The following ADIPOR2 variants were observed in gnomAD, a reference collection of about 807,000 sequenced individuals.
ADIPOR2 encodes the protein adiponectin receptor 2.
A neutral mutation model predicts 40.9 loss-of-function variants in ADIPOR2; 18 were observed. The observed-to-expected ratio is 0.44, with a 90% CI of 0.30 to 0.65. ADIPOR2 has a LOEUF of 0.65. Among genes scored for constraint, ADIPOR2 ranks in the 30% least tolerant of loss-of-function variants. The pLI is 0.09. For missense variants in ADIPOR2, 283 were observed against 479.2 expected (o/e 0.59, Z 3.82); for synonymous variants, 165 against 166.4 (o/e 0.99, Z 0.06).
intron 7 of ADIPOR2, among the ~76,000 whole-genome samples, chr12:1,785,091 T>G (rs1862799611): frequency 6.6e-6 from 1 of 152,228 alleles, no homozygotes; most frequent in African/African-American, 2.4e-5. Flanking sequence ...AGGAAACATC[T>G]CTTGGGATGT....
At chr12:1,695,926 G>C (rs1473037582) in intron 1 of ADIPOR2, 1 of 151,536 alleles carries the variant, frequency 6.6e-6, no homozygotes, top group Non-Finnish European at 1.5e-5. Context: ...TTTTTTTGAC[G>C]GGACATTCTG....
intron 1 of ADIPOR2, among the ~76,000 whole-genome samples, chr12:1,691,938 T>C (rs1474130408): frequency 6.6e-6 from 1 of 152,180 alleles, no homozygotes; most frequent in Non-Finnish European, 1.5e-5. Context: ...GGTAGAAAGA[T>C]TTAAATGCAC....
At chr12:1,741,295 G>T (rs138711950) in intron 1 of ADIPOR2, among the ~76,000 whole-genome samples, 16 of 152,178 alleles carry the variant, frequency 1.1e-4, no homozygotes, top group Non-Finnish European at 1.9e-4. Flanking sequence ...CCTGTTAGGG[G>T]ATTATCAAAG....
intron 1 of ADIPOR2, among the ~76,000 whole-genome samples, chr12:1,739,742 T>C (rs1394751947): frequency 3.3e-5 from 5 of 152,226 alleles, no homozygotes; most frequent in African/African-American, 7.2e-5. Flanking sequence ...TAGAGTGTTA[T>C]GAGCACTGAC....
At position 1,772,895 on chromosome 12, in the gene ADIPOR2, T is replaced by C; in HGVS notation, c.225T>C (p.Phe75=). ...AAGCTCCTCAGGAAGATGAGGGCTT[T>C]ATGGGCATGTCCCCTCTCTTACAAG... The part of the protein sequence containing the change: ...SDEAPQEDEG[F]MGMSPLLQAH... The change falls in exon 3 of 8, where the codon TTT becomes TTC. Residue 75 remains phenylalanine, a synonymous_variant. Coordinates refer to ENST00000357103, the MANE Select transcript of ADIPOR2 (RefSeq NM_024551.3). The C allele has an allele frequency of 6.2e-7, 1 of 1,613,776 alleles. No homozygotes were observed. Among genetic ancestry groups the C allele is most frequent in the South Asian group, 1.1e-5 (1 of 90,946 alleles).
intron 1 of ADIPOR2, among the ~76,000 whole-genome samples, chr12:1,701,212 C>G (rs1056680079): frequency 6.6e-6 from 1 of 150,818 alleles, no homozygotes; most frequent in Non-Finnish European, 1.5e-5. Flanking sequence ...TCACTGCAGC[C>G]CATCTCCTTT....
At chr12:1,701,480 A>C (rs2094650119) in intron 1 of ADIPOR2, among the ~76,000 whole-genome samples, 1 of 152,290 alleles carries the variant, frequency 6.6e-6, no homozygotes, top group South Asian at 2.1e-4. Flanking sequence ...TTCACAAATC[A>C]TAGTATTGCT....
In ADIPOR2 at chr12:1,755,100, A is replaced by T. The variant is rs546277120; in HGVS notation, c.171+586A>T. The stretch of plus-strand genomic sequence containing the variant: ...CTGACTCTTTTTTTTTTAATTTCGG[A>T]GACGGAGTCTTGTTCTGTCGCCAGG... On this transcript the variant is annotated intron_variant, in intron 2 of 7. Transcript: ENST00000357103. Among the ~76,000 whole-genome samples the T allele has an allele frequency of 7.5e-4, 46 of 61,574 alleles. 10 individuals are homozygous for T. The highest frequency in any genetic ancestry group is 2.3e-3 in the Admixed American group (15 of 6,590). 40.4% of individuals were successfully genotyped at this position (61,574 alleles called of 152,430 possible).
chr12:1,756,194 A>G (rs1238635136), intron 2 of ADIPOR2, among the ~76,000 whole-genome samples: 7 of 152,042 alleles, frequency 4.6e-5, no homozygotes, highest in Non-Finnish European at 1.0e-4. Flanking sequence ...TCTGTTGCCC[A>G]GGCTGGAGTG....
At chr12:1,755,720 G>A (rs1862111373) in intron 2 of ADIPOR2, among the ~76,000 whole-genome samples, 1 of 152,148 alleles carries the variant, frequency 6.6e-6, no homozygotes, top group Non-Finnish European at 1.5e-5. Context: ...AAATTATATA[G>A]CATGTGTTTA....
At chr12:1,785,294 G>T (rs926024378) in intron 7 of ADIPOR2, among the ~76,000 whole-genome samples, 1 of 152,190 alleles carries the variant, frequency 6.6e-6, no homozygotes, top group African/African-American at 2.4e-5. Flanking sequence ...CAGAAATAAT[G>T]TCACTTGCTT....
intron 1 of ADIPOR2, among the ~76,000 whole-genome samples, chr12:1,700,525 A>G (rs2094648052): frequency 2.0e-5 from 3 of 152,326 alleles, no homozygotes; most frequent in South Asian, 2.1e-4. Flanking sequence ...GTAATAAAAT[A>G]TGTGTAAAAA....
At chr12:1,740,949 T>C (rs1232765048) in intron 1 of ADIPOR2, among the ~76,000 whole-genome samples, 1 of 152,192 alleles carries the variant, frequency 6.6e-6, no homozygotes, top group Non-Finnish European at 1.5e-5. Flanking sequence ...AAAGGTGACC[T>C]TTTACCTGGG....
chr12:1,720,192 C>T (rs1440612607), intron 1 of ADIPOR2, among the ~76,000 whole-genome samples: 1 of 152,076 alleles, frequency 6.6e-6, no homozygotes, highest in Non-Finnish European at 1.5e-5. Flanking sequence ...ACATTTCTAT[C>T]CCTGACTTAT....
In ADIPOR2 at chr12:1,754,374, T is replaced by A. The variant is rs772048112; in HGVS notation, c.31T>A (p.Cys11Ser). 1.6e-5 allele frequency: 25 copies of A among 1,610,622 alleles called. No individual in the cohort carries two copies. Among genetic ancestry groups the A allele is most frequent in the Non-Finnish European group, 2.0e-5 (24 of 1,178,560 alleles). MNEPTENRLG[C>S]SRTPEPDIRL... ...CGAGCCAACAGAAAACCGATTGGGG[T>A]GCAGCAGGACTCCAGAGCCAGATAT... Residue 11 changes from cysteine to serine, a missense_variant, in exon 2 of 8, where the codon TGC becomes AGC. By Grantham distance (112) the Cys-to-Ser change is moderately radical. Coordinates refer to ENST00000357103, the MANE Select transcript of ADIPOR2 (RefSeq NM_024551.3).
intron 1 of ADIPOR2, among the ~76,000 whole-genome samples, chr12:1,719,281 A>G (rs1592585219): frequency 6.6e-6 from 1 of 152,062 alleles, no homozygotes; most frequent in African/African-American, 2.4e-5. Flanking sequence ...ATTTCTTGAC[A>G]GTTTCTTAAT....
intron 1 of ADIPOR2, chr12:1,697,941 T>C (rs2154441241): frequency 6.6e-6 from 1 of 152,318 alleles, no homozygotes; most frequent in Non-Finnish European, 1.5e-5. Context: ...ATTTGTAGTG[T>C]ATATAGTACT....
At chr12:1,724,818 G>C (rs2094704627) in intron 1 of ADIPOR2, among the ~76,000 whole-genome samples, 4 of 152,064 alleles carry the variant, frequency 2.6e-5, no homozygotes, top group Non-Finnish European at 5.9e-5. Flanking sequence ...AGCCTCCCAA[G>C]TAGCTGGGAC....
intron 2 of ADIPOR2, among the ~76,000 whole-genome samples, chr12:1,765,573 GTCCT>G (rs1862359016): frequency 6.6e-6 from 1 of 152,154 alleles, no homozygotes; most frequent in Admixed American, 6.5e-5. Flanking sequence ...TTGTTACTCT[GTCCT>G]TCCTTTATAA....
Sources: gnomAD v4.1 joint callset for allele counts (sites outside exome capture counted in the v4.1 genomes callset) on GRCh38, gnomAD v4.1.1 for gene constraint, MANE v1.5 for transcripts, NCBI Gene and HGNC (gene_info 2026-07-23, HGNC 2026-07-21) for gene names.